The following SENP6 variants were observed in gnomAD, a reference collection of about 807,000 sequenced individuals.
The protein encoded by SENP6 is sentrin-specific protease 6.
Under a neutral mutation model 134.5 loss-of-function variants are expected in SENP6, and 41 were observed. The ratio of observed to expected loss-of-function variants is 0.30; its 90% CI spans 0.24 to 0.40. SENP6 has a LOEUF of 0.40. Among genes scored for constraint, SENP6 ranks in the 10% least tolerant of loss-of-function variants. The pLI, the probability that SENP6 is intolerant of heterozygous loss-of-function variation, is 1.00. For synonymous variants in SENP6, 395 were observed against 429.8 expected, an observed-to-expected ratio of 0.92 and a Z score of 1.00; for missense variants, 1,248 against 1,312.5, an observed-to-expected ratio of 0.95 and a Z score of 0.76.
intron 6 of SENP6, among the ~76,000 whole-genome samples, chr6:75,641,842 AG>A (rs1770054801): frequency 6.6e-6 from 1 of 151,470 alleles, no homozygotes; most frequent in Non-Finnish European, 1.5e-5. Context: ...GGCCTGGAGT[AG>A]GTAGTAAGAC....
In SENP6 at chr6:75,677,275, T is replaced by A; in HGVS notation, c.1848+19T>A. Reference sequence around the variant, plus strand: ...TAAAACTGTAATTATGTTTTTTAATTTAAAAATATTCTTAAATTGTGGGTA... The same window carrying A: ...TAAAACTGTAATTATGTTTTTTAATATAAAAATATTCTTAAATTGTGGGTA... On this transcript the variant is annotated intron_variant, in intron 14 of 23. Transcript: ENST00000447266. 6.9e-7 allele frequency: 1 copy of A among 1,459,064 alleles called. No homozygotes were observed. The highest frequency in any genetic ancestry group is 9.3e-7 in the Non-Finnish European group (1 of 1,074,824). The allele number at this position is 1,459,064 out of a possible 1,614,324, so 90.4% of individuals were successfully genotyped here.
chr6:75,660,787 A>G (rs1030555563), intron 8 of SENP6, among the ~76,000 whole-genome samples: 1 of 152,070 alleles, frequency 6.6e-6, no homozygotes, highest in African/African-American at 2.4e-5. Context: ...ATCTGCCACC[A>G]TACCCGGCTT....
At chr6:75,677,481 C>G (rs1251107584) in intron 14 of SENP6, 1 of 385,518 alleles carries the variant, frequency 2.6e-6, no homozygotes, top group African/African-American at 2.1e-5. Context: ...GGTTCCTCCA[C>G]ATTCTATCCT....
At chr6:75,605,787 C>T (rs941540484) in intron 1 of SENP6, among the ~76,000 whole-genome samples, 2 of 151,810 alleles carry the variant, frequency 1.3e-5, no homozygotes, top group East Asian at 3.9e-4. Context: ...TATGGTTTAT[C>T]TTTTTTTAAA....
At chr6:75,699,536 G>A (rs1179951364) in intron 18 of SENP6, among the ~76,000 whole-genome samples, 1 of 151,868 alleles carries the variant, frequency 6.6e-6, no homozygotes, top group African/African-American at 2.4e-5. Flanking sequence ...CACTCAGGCT[G>A]GAATGTAGTA....
At chr6:75,616,875 T>C (rs115088056) in intron 1 of SENP6, among the ~76,000 whole-genome samples, 1,735 of 152,274 alleles carry the variant, frequency 0.011, 32 homozygotes, top group African/African-American at 0.039. Context: ...TTTTTATTTA[T>C]GTATTTTTGA....
chr6:75,712,760 A>G (rs1446459530), intron 21 of SENP6, among the ~76,000 whole-genome samples: 2 of 152,094 alleles, frequency 1.3e-5, no homozygotes, highest in Non-Finnish European at 2.9e-5. Flanking sequence ...TAAACTAATT[A>G]TTTCATGTGA....
At chr6:75,714,592 C>T (rs1775932463) in intron 23 of SENP6, among the ~76,000 whole-genome samples, 1 of 152,142 alleles carries the variant, frequency 6.6e-6, no homozygotes, top group Non-Finnish European at 1.5e-5. Flanking sequence ...CTTATAGTGG[C>T]TTCCTGTGGC....
At chr6:75,635,437 T>C (rs947310129) in intron 5 of SENP6, among the ~76,000 whole-genome samples, 1 of 152,146 alleles carries the variant, frequency 6.6e-6, no homozygotes, top group African/African-American at 2.4e-5. Flanking sequence ...ACTAGTAACA[T>C]TTTAAGATTT....
At chr6:75,636,783 C>T (rs2082701204) in intron 5 of SENP6, among the ~76,000 whole-genome samples, 2 of 151,974 alleles carry the variant, frequency 1.3e-5, no homozygotes, top group Admixed American at 1.3e-4. Context: ...TTGTTGCTTC[C>T]AGGGATTTAG....
At chr6:75,697,589 T>G in intron 18 of SENP6, 72 bp downstream of exon 18, 3 of 992,942 alleles carry the variant, frequency 3.0e-6, no homozygotes, top group Non-Finnish European at 4.7e-6. Flanking sequence ...ATAATGAGTA[T>G]GAGGTGAAGA....
At chr6:75,676,111 CTG>C in intron 13 of SENP6, 57 bp downstream of exon 13, 2 of 1,219,694 alleles carry the variant, frequency 1.6e-6, no homozygotes, top group Non-Finnish European at 2.2e-6. Flanking sequence ...TTTACAATAT[CTG>C]TTAAATAGCA....
chr6:75,645,901 G>A (rs564808567), intron 6 of SENP6, among the ~76,000 whole-genome samples: 1 of 152,164 alleles, frequency 6.6e-6, no homozygotes, highest in Non-Finnish European at 1.5e-5. Flanking sequence ...TTAGTTTAAT[G>A]TTACAATACT....
intron 5 of SENP6, among the ~76,000 whole-genome samples, chr6:75,636,874 A>AT (rs1769558626): frequency 9.7e-6 from 1 of 103,172 alleles, no homozygotes; most frequent in East Asian, 2.4e-4. Flanking sequence ...CTGAAGTCTT[A>AT]ATTTTTTTTT....
intron 1 of SENP6, among the ~76,000 whole-genome samples, chr6:75,614,229 T>G (rs752937171): frequency 3.3e-5 from 5 of 152,046 alleles, no homozygotes; most frequent in African/African-American, 4.8e-5. Flanking sequence ...TAAGGTGGTG[T>G]TCACCAGATT....
At chr6:75,668,897 C>T (rs1191886676) in intron 10 of SENP6, among the ~76,000 whole-genome samples, 1 of 152,132 alleles carries the variant, frequency 6.6e-6, no homozygotes, top group Non-Finnish European at 1.5e-5. Flanking sequence ...GGGTGTGGAC[C>T]ATTCATATTC....
Position 75,666,914 on chromosome 6 carries a change from G to A in SENP6, c.1197G>A (p.Leu399=), listed in dbSNP as rs1158626064. ...PEDSELNTVT[L]PRKARMKDQF... ...ACTCAGAGTTAAATACAGTTACATTGCCAAGAAAAGCAAGAATGAAAGACC... is the reference window on the plus strand; with the variant it reads ...ACTCAGAGTTAAATACAGTTACATTACCAAGAAAAGCAAGAATGAAAGACC... Residue 399 remains leucine (L), a synonymous_variant, in exon 10 of 24, where the codon TTG becomes TTA. Coordinates refer to ENST00000447266, the MANE Select transcript of SENP6 (RefSeq NM_015571.4). 6.2e-7 allele frequency: 1 copy of A among 1,600,562 alleles called. No homozygotes were observed. Among genetic ancestry groups the A allele is most frequent in the Non-Finnish European group, 8.5e-7 (1 of 1,170,014 alleles).
At position 75,652,696 on chromosome 6, in the gene SENP6, A is replaced by AAAAAAAAAAG. The variant is rs796549538; in HGVS notation, c.550+4902_550+4903insAAGAAAAAAA. ...TACTAAAAATCTCAAAAAAAAAAAA[A>AAAAAAAAAAG]AAAAAAAGAAAAAGAAAAAAAATGC... On this transcript the variant is annotated intron_variant, in intron 7 of 23. Coordinates refer to ENST00000447266, the MANE Select transcript of SENP6 (RefSeq NM_015571.4). 4.3e-3 allele frequency among the ~76,000 whole-genome samples: 635 copies of AAAAAAAAAAG among 148,654 alleles called. 10 individuals are homozygous for AAAAAAAAAAG. The East Asian group carries it at 0.074, about 17-fold the overall frequency.
intron 1 of SENP6, among the ~76,000 whole-genome samples, chr6:75,616,379 T>C (rs970763567): frequency 1.4e-4 from 21 of 152,210 alleles, no homozygotes; most frequent in Non-Finnish European, 4.4e-5. Flanking sequence ...AATTTATTTT[T>C]TCTCTCACTG....
Sources: gnomAD v4.1 joint callset for allele counts (sites outside exome capture counted in the v4.1 genomes callset) on GRCh38, gnomAD v4.1.1 for gene constraint, MANE v1.5 for transcripts, NCBI Gene and HGNC (gene_info 2026-07-23, HGNC 2026-07-21) for gene names.